HIP1: variants seen among roughly 807,000 people sequenced by gnomAD.
HIP1 encodes the protein huntingtin-interacting protein 1.
Under a neutral mutation model 147.6 loss-of-function variants are expected in HIP1, and 65 were observed. The ratio of observed to expected loss-of-function variants is 0.44; its 90% CI spans 0.36 to 0.54. The LOEUF (loss-of-function observed/expected upper bound fraction) is 0.54. HIP1 is among the 20% of genes least tolerant of loss of function. The pLI is 0.00. For missense variants in HIP1, 1,061 were observed against 1,299.6 expected (o/e 0.82, Z 2.82); for synonymous variants, 479 against 504.0 (o/e 0.95, Z 0.67).
At chr7:75,562,809 T>C (rs868990516) in intron 11 of HIP1, 126 bp downstream of exon 11, 28 of 913,130 alleles carry the variant, frequency 3.1e-5, no homozygotes, top group Middle Eastern at 5.4e-4. Flanking sequence ...AGGTTGGTGC[T>C]AGGTGAATGA....
At chr7:75,616,001 G>A (rs1797639818) in intron 1 of HIP1, among the ~76,000 whole-genome samples, 1 of 141,820 alleles carries the variant, frequency 7.1e-6, no homozygotes, top group African/African-American at 2.7e-5. Context: ...CAGGAGAATC[G>A]CTTGAACCTG....
intron 8 of HIP1, among the ~76,000 whole-genome samples, chr7:75,569,384 G>A (rs1044874235): frequency 6.6e-6 from 1 of 152,012 alleles, no homozygotes; most frequent in Non-Finnish European, 1.5e-5. Flanking sequence ...GGGGAGCATC[G>A]CTTGTACCCA....
At chr7:75,684,607 A>G (rs1800198195) in intron 1 of HIP1, among the ~76,000 whole-genome samples, 1 of 152,194 alleles carries the variant, frequency 6.6e-6, no homozygotes, top group Admixed American at 6.6e-5. Flanking sequence ...TTGATTAAAC[A>G]TAAACCACTG....
intron 1 of HIP1, among the ~76,000 whole-genome samples, chr7:75,616,682 C>T (rs1360502142): frequency 6.6e-6 from 1 of 152,078 alleles, no homozygotes; most frequent in Non-Finnish European, 1.5e-5. Flanking sequence ...AAACATTTAC[C>T]ATCTGGCCCT....
rs1352613731 is a variant in HIP1 at position 75,566,740 on chromosome 7, T to C, written c.803+1459A>G. On this transcript the variant is annotated intron_variant, in intron 9 of 30. Coordinates refer to ENST00000336926, the MANE Select transcript of HIP1 (RefSeq NM_005338.7). Reference sequence around the variant, plus strand: ...TTTGTAGGGTATCAACCAAACCTGCTAGTGGATTGGACATGGGGGATGAGG... The same window carrying C: ...TTTGTAGGGTATCAACCAAACCTGCCAGTGGATTGGACATGGGGGATGAGG... 1.3e-5 allele frequency among the ~76,000 whole-genome samples: 2 copies of C among 151,350 alleles called. 1 individual carries two copies. The highest frequency in any genetic ancestry group is 1.3e-4 in the Admixed American group (2 of 15,242).
At chr7:75,557,084 G>T (rs1444140383) in intron 16 of HIP1, among the ~76,000 whole-genome samples, 1 of 151,020 alleles carries the variant, frequency 6.6e-6, no homozygotes, top group African/African-American at 2.4e-5. Flanking sequence ...TGTTGCCCAG[G>T]CTGGAGTGCA....
At chr7:75,694,168 T>G (rs1800552481) in intron 1 of HIP1, among the ~76,000 whole-genome samples, 1 of 152,120 alleles carries the variant, frequency 6.6e-6, no homozygotes, top group Non-Finnish European at 1.5e-5. Context: ...TCCACCCACC[T>G]CGGCCTCCCA....
chr7:75,574,941 C>T (rs1239607940), intron 7 of HIP1, among the ~76,000 whole-genome samples: 1 of 152,032 alleles, frequency 6.6e-6, no homozygotes, highest in African/African-American at 2.4e-5. Flanking sequence ...GGGGGGACTG[C>T]CTGAGCCTGA....
chr7:75,556,156 C>G lies in HIP1; in HGVS notation c.1697G>C (p.Trp566Ser). 1 of 1,614,052 alleles carries G rather than the reference C, an allele frequency of 6.2e-7. No homozygotes were observed. The highest frequency in any genetic ancestry group is 8.5e-7 in the Non-Finnish European group (1 of 1,179,994). The change falls in exon 18 of 31, where the codon TGG becomes TCG. Residue 566 changes from tryptophan (W) to serine (S), a missense_variant. Physicochemically the swap from Trp to Ser is radical, Grantham distance 177. Around this residue, in one of 3 missense-constraint regions of HIP1, gnomAD observed 810 missense variants for 946.8 expected, o/e 0.86. Transcript: ENST00000336926. ...CTCTAGCTCGGCGAACTCGGCTGCC[C>G]AGTTTGCTTCTGACTGCAAAGGTGA... is the stretch of plus-strand genomic sequence containing the variant. Reference protein sequence around the residue: ...LETSAQSEANWAAEFAELEKE... With the variant: ...LETSAQSEANSAAEFAELEKE...
Position 75,559,934 on chromosome 7 carries a change from C to A in HIP1, c.1192-19G>T. The A allele has an allele frequency of 6.3e-7, 1 of 1,575,408 alleles. No individual in the cohort carries two copies. Among genetic ancestry groups the A allele is most frequent in the Non-Finnish European group, 8.6e-7 (1 of 1,163,834 alleles). On this transcript the variant is annotated intron_variant, in intron 13 of 30. Transcript: ENST00000336926. ...GCTGGCTCTGTGGGGGGACTCCGGTCATGAGGCCAACCGCCCACTGCCACG... is the reference window on the plus strand; with the variant it reads ...GCTGGCTCTGTGGGGGGACTCCGGTAATGAGGCCAACCGCCCACTGCCACG...
Position 75,589,340 on chromosome 7 carries a change from G to A in HIP1, c.385-2507C>T, listed in dbSNP as rs142700641. Among the ~76,000 whole-genome samples, 4 of 151,942 alleles carry A rather than the reference G, an allele frequency of 2.6e-5. No individual in the cohort carries two copies. In the East Asian group the frequency reaches 7.8e-4, roughly 29 times the overall value. On this transcript the variant is annotated intron_variant, in intron 4 of 30. Coordinates refer to ENST00000336926, the MANE Select transcript of HIP1 (RefSeq NM_005338.7). ...ATAGGTAGAAAAAACTGAAAGAGTG[G>A]TTTAGAGACATGAGGGGTAGGATGA... is the stretch of plus-strand genomic sequence containing the variant.
At chr7:75,617,209 C>T (rs974627485) in intron 1 of HIP1, among the ~76,000 whole-genome samples, 5 of 151,760 alleles carry the variant, frequency 3.3e-5, no homozygotes, top group African/African-American at 9.7e-5. Context: ...CAAGTCGCTG[C>T]GATTACAGGC....
rs66807905 is a variant in HIP1 at position 75,664,028 on chromosome 7, GTATA to G, written c.121-64785_121-64782del. 7.5e-3 allele frequency among the ~76,000 whole-genome samples: 68 copies of G among 9,036 alleles called. 2 individuals are homozygous for G. Among genetic ancestry groups the G allele is most frequent in the East Asian group, 0.052 (12 of 230 alleles). 5.9% of individuals were successfully genotyped at this position (9,036 alleles called of 152,430 possible). ...TGTGTATATATATACACATATATGT[GTATA>G]TATATACACATATATGTGTATATAC... is the stretch of plus-strand genomic sequence containing the variant. On this transcript the variant is annotated intron_variant, in intron 1 of 30. Coordinates refer to ENST00000336926, the MANE Select transcript of HIP1 (RefSeq NM_005338.7).
chr7:75,546,965 G>T lies in HIP1; in HGVS notation c.2533C>A (p.Gln845Lys). Residue 845 changes from glutamine to lysine, a missense_variant, in exon 25 of 31, where the codon CAG becomes AAG. This residue lies in a region of HIP1 where 810 missense variants were observed against 946.8 expected (regional missense o/e 0.86). Coordinates refer to ENST00000336926, the MANE Select transcript of HIP1 (RefSeq NM_005338.7). ...QVLIVASKDL[Q>K]REIVESGRGT... is the part of the protein sequence containing the mutation. Reference sequence around the variant, plus strand: ...CTGCCGCTCTCCACAATCTCTCTCTGGAGGTCCTTAGAGGCCACGATGAGC... The same window carrying T: ...CTGCCGCTCTCCACAATCTCTCTCTTGAGGTCCTTAGAGGCCACGATGAGC... 6.3e-7 allele frequency: 1 copy of T among 1,579,406 alleles called. No individual in the cohort carries two copies. Among genetic ancestry groups the T allele is most frequent in the East Asian group, 2.3e-5 (1 of 43,910 alleles).
In HIP1 at chr7:75,541,974, A is replaced by G. The variant is rs782504869; in HGVS notation, c.2897T>C (p.Met966Thr). Reference protein sequence around the residue: ...GKSQIEETDNMDFSSMTLTQI... With the variant: ...GKSQIEETDNTDFSSMTLTQI... Reference sequence around the variant, plus strand: ...TGTCAGCGTCATGCTTGAGAAGTCCATGTTGTCTGCAAGGATGGAAACAAG... The same window carrying G: ...TGTCAGCGTCATGCTTGAGAAGTCCGTGTTGTCTGCAAGGATGGAAACAAG... The change falls in exon 29 of 31, where the codon ATG (methionine) becomes ACG (threonine). Residue 966 changes from methionine to threonine, a missense_variant. Around this residue, in one of 3 missense-constraint regions of HIP1, gnomAD observed 810 missense variants for 946.8 expected, o/e 0.86. Transcript: ENST00000336926. 5.0e-6 allele frequency: 8 copies of G among 1,613,674 alleles called. No homozygotes were observed. The Admixed American group carries it at 1.0e-4, about 20-fold the overall frequency.
At position 75,557,756 on chromosome 7, in the gene HIP1, G is replaced by C; in HGVS notation, c.1479C>G (p.Thr493=). The change falls in exon 16 of 31, where the codon ACC becomes ACG. Residue 493 remains threonine, a synonymous_variant. Coordinates refer to ENST00000336926, the MANE Select transcript of HIP1 (RefSeq NM_005338.7). ...CTTGTCTGGCCATGGACACCTGTTT[G>C]GTCACCTCTGCATTCTGCAAAAGAA... ...ADLLRKNAEV[T]KQVSMARQAQ... 6.2e-7 allele frequency: 1 copy of C among 1,613,274 alleles called. No homozygotes were observed. The highest frequency in any genetic ancestry group is 1.1e-5 in the South Asian group (1 of 91,084).
At chr7:75,724,177 G>A (rs181029543) in intron 1 of HIP1, among the ~76,000 whole-genome samples, 5 of 150,476 alleles carry the variant, frequency 3.3e-5, no homozygotes, top group African/African-American at 1.2e-4. Context: ...GGCTGGTCTC[G>A]AACTCCTGAC....
At chr7:75,629,539 C>A (rs59663797) in intron 1 of HIP1, among the ~76,000 whole-genome samples, 4 of 137,026 alleles carry the variant, frequency 2.9e-5, no homozygotes, top group South Asian at 2.3e-4. Context: ...GCGGCTCCCC[C>A]GCTTTTCTTT....
Position 75,664,432 on chromosome 7 carries a change from A to G in HIP1, c.121-65185T>C, listed in dbSNP as rs376980319. Among the ~76,000 whole-genome samples the G allele has an allele frequency of 2.8e-3, 166 of 58,406 alleles. 12 individuals carry two copies. The highest frequency in any genetic ancestry group is 0.012 in the Middle Eastern group (1 of 84). The allele number at this position is 58,406 out of a possible 152,430, so 38.3% of individuals were successfully genotyped here. On this transcript the variant is annotated intron_variant, in intron 1 of 30. Transcript: ENST00000336926. ...TACACATACATATGTGTGTGTATAC[A>G]TATACATACATATATACACATACAT...
Sources: allele counts gnomAD v4.1 joint callset (sites outside exome capture counted in the v4.1 genomes callset), GRCh38; gene constraint gnomAD v4.1.1; regional missense constraint gnomAD v4.1.1; transcripts MANE v1.5; gene names NCBI Gene and HGNC (gene_info 2026-07-23, HGNC 2026-07-21).